The following CASQ1 variants were observed in gnomAD, a reference collection of about 807,000 sequenced individuals.
The protein encoded by CASQ1 is calsequestrin 1, also known as calsequestrin-1.
In CASQ1, 40 loss-of-function variants were observed where a neutral mutation model predicts 49.5. That is an observed-to-expected ratio of 0.81 (90% confidence interval 0.63 to 1.05). The LOEUF (loss-of-function observed/expected upper bound fraction) is 1.05, where lower values mean the gene tolerates loss of function less well. CASQ1 is among the 50% of genes least tolerant of loss of function. The probability of loss-of-function intolerance (pLI) is 0.00; values close to 1 mark genes in which losing one functional copy is unlikely to be tolerated. For synonymous variants in CASQ1, 174 were observed against 187.2 expected, an observed-to-expected ratio of 0.93 and a Z score of 0.58; for missense variants, 469 against 486.9, an observed-to-expected ratio of 0.96 and a Z score of 0.35.
Position 160,201,425 on chromosome 1 carries a change from C to G in CASQ1, c.*49C>G. 6.2e-7 allele frequency: 1 copy of G among 1,600,570 alleles called. No individual in the cohort carries two copies. Among genetic ancestry groups the G allele is most frequent in the Non-Finnish European group, 8.5e-7 (1 of 1,170,780 alleles). ...CCCCACTGGTCTTTTCATGCTCTCT[C>G]CTGCCTTCCCTTGTCCTTCCCTGAG... On this transcript the variant is annotated 3_prime_UTR_variant, in exon 11 of 11. Transcript: ENST00000368078.
intron 3 of CASQ1, among the ~76,000 whole-genome samples, chr1:160,194,704 A>G (rs1654176707): frequency 2.0e-5 from 3 of 150,328 alleles, no homozygotes; most frequent in Admixed American, 6.6e-5. Context: ...TACATACCGA[A>G]CACTACACAT....
At chr1:160,197,450 G>T in intron 6 of CASQ1, 119 bp from the exon 7 acceptor site, 1 of 747,642 alleles carries the variant, frequency 1.3e-6, no homozygotes, top group Admixed American at 1.9e-5. Context: ...TGGCTTTGTT[G>T]TAGGCTACAA....
chr1:160,193,750 T>C lies in CASQ1; in HGVS notation c.368T>C (p.Leu123Pro). ...KDAAVAKKLG[L>P]TEVDSMYVFK... is the part of the protein sequence containing the mutation. The stretch of plus-strand genomic sequence containing the variant: ...CTGCGCCCGGCTCACTCCCTAGGCC[T>C]AACTGAAGTGGACAGCATGTATGTA... Residue 123 changes from leucine (L) to proline (P), a missense_variant, in exon 3 of 11, where the codon CTA becomes CCA. Coordinates refer to ENST00000368078, the MANE Select transcript of CASQ1 (RefSeq NM_001231.5). 2 of 1,602,232 alleles carry C rather than the reference T, an allele frequency of 1.2e-6. No homozygotes were observed. Among genetic ancestry groups the C allele is most frequent in the South Asian group, 2.2e-5 (2 of 90,506 alleles).
chr1:160,192,505 C>A, intron 1 of CASQ1: 1 of 270,340 alleles, frequency 3.7e-6, no homozygotes, highest in Non-Finnish European at 7.2e-6. Context: ...CTCAGTCACT[C>A]TGAAGCCAGA....
Position 160,201,344 on chromosome 1 carries a change from A to G in CASQ1, c.1159A>G (p.Thr387Ala). ...LEDVLEGEIN[T>A]EDDDDDDDD ...GGATGTCCTGGAGGGCGAGATCAACACAGAGGACGATGACGATGATGATGA... is the reference window on the plus strand; with the variant it reads ...GGATGTCCTGGAGGGCGAGATCAACGCAGAGGACGATGACGATGATGATGA... Residue 387 changes from threonine (T) to alanine (A), a missense_variant, in exon 11 of 11, where the codon ACA (threonine) becomes GCA (alanine). Coordinates refer to ENST00000368078, the MANE Select transcript of CASQ1 (RefSeq NM_001231.5). 2.5e-6 allele frequency: 4 copies of G among 1,614,086 alleles called. No individual in the cohort carries two copies. The highest frequency in any genetic ancestry group is 3.4e-6 in the Non-Finnish European group (4 of 1,179,958).
rs1306247819 is a variant in CASQ1, at chr1:160,201,615, T to C, written c.*239T>C. The C allele has an allele frequency of 3.5e-6, 2 of 566,876 alleles. No individual in the cohort carries two copies. The highest frequency in any genetic ancestry group is 6.3e-6 in the Non-Finnish European group (2 of 316,262). The allele number at this position is 566,876 out of a possible 1,614,324, so 35.1% of individuals were successfully genotyped here. ...GACTTCTGTTTCTTATCCCATAACTTACTTGTATCTATTATGTGTCTCTTC... is the reference window on the plus strand; with the variant it reads ...GACTTCTGTTTCTTATCCCATAACTCACTTGTATCTATTATGTGTCTCTTC... On this transcript the variant is annotated 3_prime_UTR_variant, in exon 11 of 11. Transcript: ENST00000368078.
rs1654371415 is a variant in CASQ1, at chr1:160,201,370, TGAC to T, written c.1186_1188del (p.Asp396del). 2 of 1,613,938 alleles carry T rather than the reference TGAC, an allele frequency of 1.2e-6. No individual in the cohort carries two copies. Among genetic ancestry groups the T allele is most frequent in the African/African-American group, 1.3e-5 (1 of 75,050 alleles). On this transcript the variant is annotated inframe_deletion, in exon 11 of 11. Coordinates refer to ENST00000368078, the MANE Select transcript of CASQ1 (RefSeq NM_001231.5). The stretch of plus-strand genomic sequence containing the variant: ...CAGAGGACGATGACGATGATGATGA[TGAC>T]TAGTTGCTATGGCAACCATCTTTCA...
Position 160,201,364 on chromosome 1 carries a change from T to C in CASQ1, c.1179T>C (p.Asp393=), listed in dbSNP as rs1165945101. ...TCAACACAGAGGACGATGACGATGA[T>C]GATGATGACTAGTTGCTATGGCAAC... The part of the protein sequence containing the change: ...GEINTEDDDD[D]DDD The change falls in exon 11 of 11, where the codon GAT becomes GAC. Residue 393 remains aspartate, a synonymous_variant. Transcript: ENST00000368078. 4.3e-6 allele frequency: 7 copies of C among 1,613,966 alleles called. No homozygotes were observed. Among genetic ancestry groups the C allele is most frequent in the Non-Finnish European group, 5.1e-6 (6 of 1,179,904 alleles).
intron 7 of CASQ1, 140 bp downstream of exon 7, chr1:160,197,754 C>A (rs975859907): frequency 1.5e-6 from 1 of 664,610 alleles, no homozygotes; most frequent in African/African-American, 1.8e-5. Flanking sequence ...TGTGGTGGCT[C>A]ATGCCTGTAA....
chr1:160,192,001 C>T (rs1340221318), intron 1 of CASQ1, among the ~76,000 whole-genome samples: 1 of 152,294 alleles, frequency 6.6e-6, no homozygotes, highest in African/African-American at 2.4e-5. Flanking sequence ...ACCTGCCAAC[C>T]GCCTCCCTTC....
At chr1:160,195,399 G>A (rs1047448649) in intron 4 of CASQ1, 62 bp from the exon 5 acceptor site, 7 of 1,466,234 alleles carry the variant, frequency 4.8e-6, no homozygotes, top group African/African-American at 1.4e-5. Flanking sequence ...GACGATAGTG[G>A]GGGATGATTC....
intron 3 of CASQ1, among the ~76,000 whole-genome samples, 165 bp from the exon 4 acceptor site, chr1:160,194,845 CAT>C (rs1345906010): frequency 1.3e-5 from 2 of 151,844 alleles, no homozygotes; most frequent in African/African-American, 2.4e-5. Flanking sequence ...ACACTGCACA[CAT>C]CACACACTAT....
intron 3 of CASQ1, among the ~76,000 whole-genome samples, chr1:160,194,104 C>G (rs1424236821): frequency 1.3e-5 from 2 of 150,760 alleles, no homozygotes; most frequent in Non-Finnish European, 3.0e-5. Flanking sequence ...TACACATAGG[C>G]ACCACATGCA....
intron 10 of CASQ1, among the ~76,000 whole-genome samples, chr1:160,200,940 G>A (rs1191558839): frequency 6.6e-6 from 1 of 152,212 alleles, no homozygotes; most frequent in Non-Finnish European, 1.5e-5. Flanking sequence ...ATTCTTATAA[G>A]CCATGAAGAG....
intron 5 of CASQ1, 141 bp downstream of exon 5, chr1:160,195,675 C>A: frequency 1.2e-6 from 1 of 820,524 alleles, no homozygotes; most frequent in Non-Finnish European, 2.0e-6. Context: ...GCTCCTCCCA[C>A]TCCATAGATT....
At position 160,198,941 on chromosome 1, in the gene CASQ1, G is replaced by A. The variant is rs765144226; in HGVS notation, c.884-12G>A. Reference sequence around the variant, plus strand: ...TACACACCTCATACCTTGTACTTGTGTTCCCTCCAAGATGGTTTCGAGTTC... The same window carrying A: ...TACACACCTCATACCTTGTACTTGTATTCCCTCCAAGATGGTTTCGAGTTC... On this transcript the variant is annotated splice_polypyrimidine_tract_variant and intron_variant, in intron 8 of 10. Coordinates refer to ENST00000368078, the MANE Select transcript of CASQ1 (RefSeq NM_001231.5). The A allele has an allele frequency of 1.0e-5, 16 of 1,558,708 alleles. No homozygotes were observed. The highest frequency in any genetic ancestry group is 1.3e-5 in the Non-Finnish European group (15 of 1,129,462).
intron 2 of CASQ1, 49 bp from the exon 3 acceptor site, chr1:160,193,698 C>A: frequency 9.1e-7 from 1 of 1,094,176 alleles, no homozygotes; most frequent in Non-Finnish European, 1.4e-6. Flanking sequence ...TGTGGGAAGC[C>A]TGGGATCATG....
Position 160,190,869 on chromosome 1 carries a change from T to C in CASQ1, c.118T>C (p.Phe40Leu), listed in dbSNP as rs779923292. The C allele has an allele frequency of 1.5e-5, 24 of 1,614,072 alleles. No individual in the cohort carries two copies. The highest frequency in any genetic ancestry group is 1.9e-5 in the Non-Finnish European group (22 of 1,180,036). Residue 40 changes from phenylalanine (F) to leucine (L), a missense_variant, in exon 1 of 11, where the codon TTC becomes CTC. Physicochemically the swap from Phe to Leu is conservative, Grantham distance 22 (BLOSUM62 0). Transcript: ENST00000368078. The part of the protein sequence containing the change: ...SGVQGQEGLD[F>L]PEYDGVDRVI... ...GGTACAGGGGCAGGAAGGGCTGGAC[T>C]TCCCTGAGTACGATGGTGTGGACCG...
chr1:160,191,106 C>A, intron 1 of CASQ1, 76 bp downstream of exon 1: 2 of 1,491,882 alleles, frequency 1.3e-6, no homozygotes, highest in Non-Finnish European at 1.8e-6. Flanking sequence ...ACCCATGTAG[C>A]TCTTTGAGGA....
Sources: allele counts gnomAD v4.1 joint callset (sites outside exome capture counted in the v4.1 genomes callset), GRCh38; gene constraint gnomAD v4.1.1; transcripts MANE v1.5; gene names NCBI Gene and HGNC (gene_info 2026-07-23, HGNC 2026-07-21).